The following BRIP1 variants were observed in gnomAD, a reference collection of about 807,000 sequenced individuals.
BRIP1 encodes Fanconi anemia group J protein.
A neutral mutation model predicts 119.7 loss-of-function variants in BRIP1; 88 were observed. The observed-to-expected ratio is 0.74, with a 90% CI of 0.62 to 0.88. The LOEUF is 0.88. Among genes scored for constraint, BRIP1 ranks in the 40% least tolerant of loss-of-function variants. BRIP1 has a pLI of 0.00. For synonymous variants in BRIP1, 443 were observed against 496.5 expected (o/e 0.89, Z 1.43); for missense variants, 1,259 against 1,455.4 (o/e 0.87, Z 2.20).
rs1422750226 is a variant in BRIP1 at position 61,762,448 on chromosome 17, G to C, written c.2097+13953C>G. On this transcript the variant is annotated intron_variant, in intron 14 of 19. Coordinates refer to ENST00000259008, the MANE Select transcript of BRIP1 (RefSeq NM_032043.3). The surrounding 1 kb of genome is among the most constrained non-coding windows in gnomAD (Gnocchi z 4.3). Reference sequence around the variant, plus strand: ...TAAACAAAGTGGCAACCTACAGATTGGGAGAAAATATTTACAAGCTATATA... The same window carrying C: ...TAAACAAAGTGGCAACCTACAGATTCGGAGAAAATATTTACAAGCTATATA... Among the ~76,000 whole-genome samples the C allele has an allele frequency of 6.6e-6, 1 of 151,988 alleles. No homozygotes were observed. Among genetic ancestry groups the C allele is most frequent in the Non-Finnish European group, 1.5e-5 (1 of 67,988 alleles).
rs772957320 is a variant in BRIP1, at chr17:61,808,689, G to T, written c.696C>A (p.Thr232=). 2 of 1,613,746 alleles carry T rather than the reference G, an allele frequency of 1.2e-6. No individual in the cohort carries two copies. Among genetic ancestry groups the T allele is most frequent in the Admixed American group, 1.7e-5 (1 of 60,018 alleles). ...ATTTCCCTGTATGATCCTTCTTAAT[G>T]GTATTCGATGACTCTTGACTGTTTC... ...KQGNSQESSN[T]IKKDHTGKSK... is the part of the protein sequence containing the mutation. The change falls in exon 7 of 20, where the codon ACC becomes ACA. Residue 232 remains threonine (T), a synonymous_variant. Transcript: ENST00000259008. The surrounding 1 kb of genome is among the most constrained non-coding windows in gnomAD (Gnocchi z 4.1).
chr17:61,823,457 GA>G lies in BRIP1; in HGVS notation c.628-14701del, dbSNP rs1298634772. 1.3e-5 allele frequency among the ~76,000 whole-genome samples: 2 copies of G among 151,974 alleles called. No individual in the cohort carries two copies. The highest frequency in any genetic ancestry group is 2.9e-5 in the Non-Finnish European group (2 of 67,964). On this transcript the variant is annotated intron_variant, in intron 6 of 19. Coordinates refer to ENST00000259008, the MANE Select transcript of BRIP1 (RefSeq NM_032043.3). This position sits in a 1 kb window ranked among gnomAD's most constrained non-coding sequence, Gnocchi z 4.8. ...CAGATGAAAACACAATAACTGAAAA[GA>G]AAAATCCACTAGTAAGATTTAACAC...
At chr17:61,817,681 TTTAA>T (rs1233241724) in intron 6 of BRIP1, among the ~76,000 whole-genome samples, 3 of 152,228 alleles carry the variant, frequency 2.0e-5, no homozygotes, top group Non-Finnish European at 4.4e-5. Flanking sequence ...GAATTTTAAT[TTTAA>T]TTAATCAAAA....
rs756857548 is a variant in BRIP1 at position 61,809,521 on chromosome 17, A to G, written c.628-764T>C. Among the ~76,000 whole-genome samples, 11 of 152,248 alleles carry G rather than the reference A, an allele frequency of 7.2e-5. No individual in the cohort carries two copies. Among genetic ancestry groups the G allele is most frequent in the Admixed American group, 6.5e-5 (1 of 15,280 alleles). Reference sequence around the variant, plus strand: ...AAACAAACCATATGGAACATCAGGAATATAGTCTACTTAATTTACCTGATT... The same window carrying G: ...AAACAAACCATATGGAACATCAGGAGTATAGTCTACTTAATTTACCTGATT... On this transcript the variant is annotated intron_variant, in intron 6 of 19. Transcript: ENST00000259008. This position sits in a 1 kb window ranked among gnomAD's most constrained non-coding sequence, Gnocchi z 5.2.
chr17:61,771,408 G>A (rs1329272165), intron 14 of BRIP1, among the ~76,000 whole-genome samples: 2 of 152,048 alleles, frequency 1.3e-5, no homozygotes, highest in Non-Finnish European at 1.5e-5. Context: ...AATTTGAATA[G>A]GCATTTCTCT....
rs767164240 is a variant in BRIP1, at chr17:61,685,912, G to C, written c.2829C>G (p.Val943=). 6.2e-7 allele frequency: 1 copy of C among 1,613,962 alleles called. No individual in the cohort carries two copies. Among genetic ancestry groups the C allele is most frequent in the Non-Finnish European group, 8.5e-7 (1 of 1,179,926 alleles). ...NFVEDEAKIC[V]QELQCPKIIT... ...TAATTTTAGGACACTGTAGTTCCTG[G>C]ACACATATCTTTGCTTCATCTTCCA... Residue 943 remains valine, a synonymous_variant, in exon 19 of 20, where the codon GTC becomes GTG. Transcript: ENST00000259008.
rs1470901381 is a variant in BRIP1, at chr17:61,730,203, C to A, written c.2379+12810G>T. ...AAACAGGAAAGAGTGATGTTGTAAA[C>A]ATGGAACAGCAATATCTACTACAGT... On this transcript the variant is annotated intron_variant, in intron 16 of 19. Coordinates refer to ENST00000259008, the MANE Select transcript of BRIP1 (RefSeq NM_032043.3). The surrounding 1 kb of genome is among the most constrained non-coding windows in gnomAD (Gnocchi z 4.3). 6.6e-6 allele frequency among the ~76,000 whole-genome samples: 1 copy of A among 152,064 alleles called. No homozygotes were observed. Among genetic ancestry groups the A allele is most frequent in the Non-Finnish European group, 1.5e-5 (1 of 67,998 alleles).
intron 17 of BRIP1, among the ~76,000 whole-genome samples, chr17:61,712,795 T>C (rs559563857): frequency 3.9e-5 from 6 of 151,918 alleles, no homozygotes; most frequent in Admixed American, 1.3e-4. Context: ...TGCCAGCTAC[T>C]TGGGAGGCTG....
At position 61,801,265 on chromosome 17, in the gene BRIP1, TTG is replaced by T. The variant is rs587780224; in HGVS notation, c.1126_1127del (p.Gln376AsnfsTer18). 6.2e-7 allele frequency: 1 copy of T among 1,612,112 alleles called. No homozygotes were observed. The highest frequency in any genetic ancestry group is 1.3e-5 in the African/African-American group (1 of 75,008). On this transcript the variant is annotated frameshift_variant, in exon 8 of 20. Transcript: ENST00000259008. LOFTEE classifies it high-confidence loss of function. ...CACATATACTCACACTTTCCCTTAT[TTG>T]TGCATCTAGAAGATAGTTGTAGGGA... ...FCPYNYLLDAQIRESMDLNLK... is the reference protein window; with the variant it reads ...FCPYNYLLDAXIRESMDLNLK...
Position 61,861,586 on chromosome 17 carries a change from A to C in BRIP1, c.-30-17T>G. 1 of 1,401,158 alleles carries C rather than the reference A, an allele frequency of 7.1e-7. No homozygotes were observed. Among genetic ancestry groups the C allele is most frequent in the Non-Finnish European group, 1.0e-6 (1 of 986,930 alleles). 86.8% of individuals were successfully genotyped at this position (1,401,158 alleles called of 1,614,324 possible). On this transcript the variant is annotated splice_polypyrimidine_tract_variant and intron_variant, in intron 1 of 19. Transcript: ENST00000259008. This position sits in a 1 kb window ranked among gnomAD's most constrained non-coding sequence, Gnocchi z 4.5. ...GATTCCTAACTACAACAGAAATGAA[A>C]ATGTCAAATATTGAGACACGCCTTA...
At position 61,743,096 on chromosome 17, in the gene BRIP1, T is replaced by C. The variant is rs371227751; in HGVS notation, c.2296A>G (p.Ser766Gly). ...TCATCTGAGAAATCCAGACCCTCAC[T>C]CACTTTACCACGACAAACTGCTACC... ...LLVAVCRGKV[S>G]EGLDFSDDNA... Residue 766 changes from serine (S) to glycine (G), a missense_variant, in exon 16 of 20, where the codon AGT becomes GGT. Physicochemically the swap from Ser to Gly is moderately conservative, Grantham distance 56 (BLOSUM62 0). Coordinates refer to ENST00000259008, the MANE Select transcript of BRIP1 (RefSeq NM_032043.3). This position sits in a 1 kb window ranked among gnomAD's most constrained non-coding sequence, Gnocchi z 4.3. 6.2e-7 allele frequency: 1 copy of C among 1,613,962 alleles called. No homozygotes were observed. The highest frequency in any genetic ancestry group is 8.5e-7 in the Non-Finnish European group (1 of 1,179,888).
At position 61,857,174 on chromosome 17, in the gene BRIP1, C is replaced by G. The variant is rs2078909444; in HGVS notation, c.263G>C (p.Cys88Ser). Residue 88 changes from cysteine (C) to serine (S), a missense_variant, in exon 4 of 20, where the codon TGT (cysteine) becomes TCT (serine). Around this residue, in one of 3 missense-constraint regions of BRIP1, gnomAD observed 501 missense variants for 544.0 expected, o/e 0.92. Coordinates refer to ENST00000259008, the MANE Select transcript of BRIP1 (RefSeq NM_032043.3). This position sits in a 1 kb window ranked among gnomAD's most constrained non-coding sequence, Gnocchi z 5.1. ...TGTAAAATCCTTTGAATGGCATGCA[C>G]AACAACATGACAATTGTACTTCAGC... ...EKAEVQLSCC[C>S]ACHSKDFTNN... The G allele has an allele frequency of 6.2e-7, 1 of 1,613,874 alleles. No homozygotes were observed. Among genetic ancestry groups the G allele is most frequent in the Non-Finnish European group, 8.5e-7 (1 of 1,179,750 alleles).
At chr17:61,723,403 C>T (rs1460626872) in intron 16 of BRIP1, among the ~76,000 whole-genome samples, 1 of 152,168 alleles carries the variant, frequency 6.6e-6, no homozygotes, top group Non-Finnish European at 1.5e-5. Context: ...CAGCAAAAGG[C>T]CCAAGGCAAG....
At chr17:61,750,843 G>A (rs1367950536) in intron 14 of BRIP1, among the ~76,000 whole-genome samples, 1 of 152,164 alleles carries the variant, frequency 6.6e-6, no homozygotes, top group African/African-American at 2.4e-5. Context: ...AGTGTTGCAA[G>A]GACACGCAGA....
At position 61,822,428 on chromosome 17, in the gene BRIP1, C is replaced by T. The variant is rs775721686; in HGVS notation, c.628-13671G>A. Reference sequence around the variant, plus strand: ...TTACTCAATTTGATAAGATTTTTGTCGTACTAATAGATCCAGTTATGTGCC... The same window carrying T: ...TTACTCAATTTGATAAGATTTTTGTTGTACTAATAGATCCAGTTATGTGCC... On this transcript the variant is annotated intron_variant, in intron 6 of 19. Transcript: ENST00000259008. This position sits in a 1 kb window ranked among gnomAD's most constrained non-coding sequence, Gnocchi z 4.4. Among the ~76,000 whole-genome samples the T allele has an allele frequency of 6.6e-6, 1 of 152,006 alleles. No individual in the cohort carries two copies. The highest frequency in any genetic ancestry group is 1.5e-5 in the Non-Finnish European group (1 of 68,012).
Position 61,757,467 on chromosome 17 carries a change from T to C in BRIP1, c.2098-12876A>G, listed in dbSNP as rs556775704. ...TGGAAATGAAGATCCTACAGCCCTC[T>C]CTGAAAAGGAACACTCTCTCTCATA... On this transcript the variant is annotated intron_variant, in intron 14 of 19. Transcript: ENST00000259008. The surrounding 1 kb of genome is among the most constrained non-coding windows in gnomAD (Gnocchi z 4.3). Among the ~76,000 whole-genome samples, 1 of 152,070 alleles carries C rather than the reference T, an allele frequency of 6.6e-6. No individual in the cohort carries two copies. The highest frequency in any genetic ancestry group is 2.4e-5 in the African/African-American group (1 of 41,418).
At chr17:61,765,829 G>GCACACACACA (rs71150698) in intron 14 of BRIP1, among the ~76,000 whole-genome samples, 10,161 of 146,422 alleles carry the variant, frequency 0.069, 397 homozygotes, top group Middle Eastern at 0.14. Context: ...CTATATTCAT[G>GCACACACACA]CACACACACA....
rs1330281822 is a variant in BRIP1, at chr17:61,811,790, G to GA, written c.628-3034dup. ...AACATGGTGAAACCCTGTCTCTACTGAAAAAACAAAAATTAGCCAGGCATG... is the reference window on the plus strand; with the variant it reads ...AACATGGTGAAACCCTGTCTCTACTGAAAAAAACAAAAATTAGCCAGGCATG... On this transcript the variant is annotated intron_variant, in intron 6 of 19. Coordinates refer to ENST00000259008, the MANE Select transcript of BRIP1 (RefSeq NM_032043.3). Among the ~76,000 whole-genome samples the GA allele has an allele frequency of 5.3e-5, 8 of 150,912 alleles. No homozygotes were observed. The South Asian group carries it at 6.3e-4, about 12-fold the overall frequency.
At position 61,687,748 on chromosome 17, in the gene BRIP1, C is replaced by A. The variant is rs573992505; in HGVS notation, c.2576-1583G>T. ...ACCATCGAGTGAGAAAAAAATGATACTACTGCCTGCATCAAAGCGGTAGGA... is the reference window on the plus strand; with the variant it reads ...ACCATCGAGTGAGAAAAAAATGATAATACTGCCTGCATCAAAGCGGTAGGA... On this transcript the variant is annotated intron_variant, in intron 18 of 19. Transcript: ENST00000259008. The surrounding 1 kb of genome is among the most constrained non-coding windows in gnomAD (Gnocchi z 5.1). Among the ~76,000 whole-genome samples, 2 of 152,238 alleles carry A rather than the reference C, an allele frequency of 1.3e-5. No homozygotes were observed. Among genetic ancestry groups the A allele is most frequent in the East Asian group, 3.9e-4 (2 of 5,182 alleles).
Sources: allele counts gnomAD v4.1 joint callset (sites outside exome capture counted in the v4.1 genomes callset), GRCh38; gene constraint gnomAD v4.1.1; regional missense constraint gnomAD v4.1.1; non-coding constraint Gnocchi (gnomAD v3.1); transcripts MANE v1.5; gene names NCBI Gene and HGNC (gene_info 2026-07-23, HGNC 2026-07-21).